The following GCSAML variants were observed in gnomAD, a reference collection of about 807,000 sequenced individuals.
GCSAML encodes the protein germinal center-associated signaling and motility-like protein.
In GCSAML, 9 loss-of-function variants were observed where a neutral mutation model predicts 13.0. The observed-to-expected ratio is 0.69, with a 90% CI of 0.42 to 1.21. The LOEUF (loss-of-function observed/expected upper bound fraction) is 1.21, where lower values mean the gene tolerates loss of function less well. Among genes scored for constraint, GCSAML ranks in the 50% most tolerant of loss-of-function variants. The pLI is 0.00. For synonymous variants in GCSAML, 37 were observed against 52.9 expected, an observed-to-expected ratio of 0.70 and a Z score of 1.31; for missense variants, 143 against 153.4, an observed-to-expected ratio of 0.93 and a Z score of 0.36.
intron 1 of GCSAML, among the ~76,000 whole-genome samples, chr1:247,517,058 G>A (rs1212749968): frequency 1.3e-5 from 2 of 152,160 alleles, no homozygotes; most frequent in Non-Finnish European, 2.9e-5. Flanking sequence ...ATATTGACTG[G>A]AAAGGCACAA....
rs376920492 is a variant in GCSAML at position 247,531,766 on chromosome 1, A to T, written c.-148+4712A>T. On this transcript the variant is annotated intron_variant, in intron 2 of 5. Transcript: ENST00000366489. ...GATGATGCTCCCGTAAAACAGAGAC[A>T]CCACAGCCACGTGGGAAGAACAGGT... 67 of 1,614,078 alleles carry T rather than the reference A, an allele frequency of 4.2e-5. No individual in the cohort carries two copies. The highest frequency in any genetic ancestry group is 5.6e-5 in the Non-Finnish European group (66 of 1,180,044).
chr1:247,512,117 A>C (rs933474998), intron 1 of GCSAML, among the ~76,000 whole-genome samples: 1 of 151,950 alleles, frequency 6.6e-6, no homozygotes, highest in African/African-American at 2.4e-5. Flanking sequence ...ACTTGGTTCC[A>C]TTCTCCCTGT....
chr1:247,532,418 C>A (rs773598629), intron 2 of GCSAML: 1 of 1,614,080 alleles, frequency 6.2e-7, no homozygotes, highest in Non-Finnish European at 8.5e-7. Context: ...AAACTCAAGA[C>A]AACTATGAAG....
intron 1 of GCSAML, among the ~76,000 whole-genome samples, chr1:247,555,383 A>T (rs919104468): frequency 1.5e-4 from 23 of 152,230 alleles, no homozygotes; most frequent in African/African-American, 5.5e-4. Context: ...CATTACATCC[A>T]GATTTGACTG....
At chr1:247,513,563 G>A (rs10754566) in intron 1 of GCSAML, among the ~76,000 whole-genome samples, 144,354 of 152,294 alleles carry the variant, frequency 0.95, 68,888 homozygotes, top group East Asian at 1. Context: ...TATGGAAAAA[G>A]ACTCCTGCAG....
At chr1:247,556,340 G>T in intron 1 of GCSAML, 67 bp from the exon 2 acceptor site, 1 of 1,127,128 alleles carries the variant, frequency 8.9e-7, no homozygotes, top group East Asian at 2.3e-5. Context: ...TAGAAAGTTA[G>T]AGAAGAAGGT....
chr1:247,510,589 G>A (rs1346751172), intron 1 of GCSAML, among the ~76,000 whole-genome samples: 1 of 152,122 alleles, frequency 6.6e-6, no homozygotes, highest in African/African-American at 2.4e-5. Context: ...TAATTGTGAT[G>A]TTAGAGTGTC....
At chr1:247,525,424 A>T (rs1666641436) in intron 1 of GCSAML, 1 of 152,272 alleles carries the variant, frequency 6.6e-6, no homozygotes, top group African/African-American at 2.4e-5. Context: ...ATCAGCTGTA[A>T]GTCTGGGTTA....
intron 1 of GCSAML, among the ~76,000 whole-genome samples, chr1:247,513,064 T>A (rs1404242637): frequency 6.6e-6 from 1 of 152,194 alleles, no homozygotes; most frequent in Non-Finnish European, 1.5e-5. Flanking sequence ...TTGCTCTCTT[T>A]GGAGCTGGCA....
At chr1:247,564,809 G>A (rs561484724) in intron 3 of GCSAML, among the ~76,000 whole-genome samples, 19 of 152,242 alleles carry the variant, frequency 1.2e-4, no homozygotes, top group Non-Finnish European at 1.6e-4. Context: ...TAACTGGCTA[G>A]CCATATGGAG....
At chr1:247,523,457 G>A (rs760627431) in intron 1 of GCSAML, among the ~76,000 whole-genome samples, 4 of 152,122 alleles carry the variant, frequency 2.6e-5, no homozygotes, top group Non-Finnish European at 5.9e-5. Context: ...CAGAGAGGTG[G>A]GTTTATTGAC....
intron 1 of GCSAML, among the ~76,000 whole-genome samples, chr1:247,551,269 A>G (rs555058056): frequency 6.6e-6 from 1 of 152,344 alleles, no homozygotes; most frequent in South Asian, 2.1e-4. Flanking sequence ...TGTTAGGCAG[A>G]CTTACAAAGC....
At chr1:247,571,236 T>C in intron 4 of GCSAML, among the ~76,000 whole-genome samples, 1 of 152,362 alleles carries the variant, frequency 6.6e-6, no homozygotes, top group East Asian at 1.9e-4. Flanking sequence ...AATTTGATCC[T>C]GTCCTTATGA....
intron 1 of GCSAML, among the ~76,000 whole-genome samples, chr1:247,509,251 T>C (rs1306583147): frequency 2.0e-5 from 3 of 152,208 alleles, no homozygotes; most frequent in African/African-American, 7.2e-5. Flanking sequence ...CCTACATTTT[T>C]TATTCTCTTT....
chr1:247,517,585 T>A (rs1666255063), intron 1 of GCSAML, among the ~76,000 whole-genome samples: 2 of 152,204 alleles, frequency 1.3e-5, no homozygotes, highest in South Asian at 4.1e-4. Context: ...AACAAAAAGC[T>A]TGTTTAAAAA....
chr1:247,539,520 T>G (rs1041417417), intron 2 of GCSAML, among the ~76,000 whole-genome samples: 15 of 152,344 alleles, frequency 9.8e-5, no homozygotes, highest in Non-Finnish European at 8.8e-5. Context: ...AGTTTTATTT[T>G]TTTTTATTAT....
intron 2 of GCSAML, chr1:247,530,967 C>G (rs977080116): frequency 6.5e-6 from 1 of 153,308 alleles, no homozygotes; most frequent in African/African-American, 2.4e-5. Flanking sequence ...CCGGGAGACC[C>G]GCGGCCGGCG....
Position 247,527,823 on chromosome 1 carries a change from A to G in GCSAML, c.-148+769A>G, listed in dbSNP as rs1666742563. 6.6e-6 allele frequency: 1 copy of G among 152,178 alleles called. No individual in the cohort carries two copies. Among genetic ancestry groups the G allele is most frequent in the South Asian group, 2.1e-4 (1 of 4,830 alleles). 9.4% of individuals were successfully genotyped at this position (152,178 alleles called of 1,614,324 possible). On this transcript the variant is annotated intron_variant, in intron 2 of 5. Transcript: ENST00000366489. The surrounding 1 kb of genome is among the most constrained non-coding windows in gnomAD (Gnocchi z 4.6). ...TATGGTCATCCCGCAGTGGTATAGA[A>G]CACTAGAACTTACTCCTCCAATGGA...
At chr1:247,552,446 G>A (rs1341084810) in intron 1 of GCSAML, among the ~76,000 whole-genome samples, 1 of 152,200 alleles carries the variant, frequency 6.6e-6, no homozygotes, top group African/African-American at 2.4e-5. Flanking sequence ...CTTGGGCAGT[G>A]CCTAATTTGC....
Sources: allele counts gnomAD v4.1 joint callset (sites outside exome capture counted in the v4.1 genomes callset), GRCh38; gene constraint gnomAD v4.1.1; non-coding constraint Gnocchi (gnomAD v3.1); transcripts MANE v1.5; gene names NCBI Gene and HGNC (gene_info 2026-07-23, HGNC 2026-07-21).